PRKCE: variants seen among roughly 807,000 people sequenced by gnomAD.
The protein encoded by PRKCE is protein kinase C epsilon.
A neutral mutation model predicts 85.4 loss-of-function variants in PRKCE; 16 were observed. The ratio of observed to expected loss-of-function variants is 0.19; its 90% CI spans 0.13 to 0.28. PRKCE has a LOEUF of 0.28. Ranked by LOEUF, PRKCE falls within the 10% of genes least tolerant of loss-of-function variation. PRKCE has a pLI of 1.00. For synonymous variants in PRKCE, 388 were observed against 371.5 expected (o/e 1.04, Z -0.51); for missense variants, 573 against 975.2 (o/e 0.59, Z 5.49).
At chr2:45,695,833 G>C (rs1220173739) in intron 1 of PRKCE, among the ~76,000 whole-genome samples, 2 of 151,518 alleles carry the variant, frequency 1.3e-5, no homozygotes, top group Non-Finnish European at 1.5e-5. Context: ...AGGTCTCATG[G>C]GGAAGAGGGT....
chr2:45,991,163 C>T (rs920162701), intron 6 of PRKCE, among the ~76,000 whole-genome samples: 6 of 151,930 alleles, frequency 3.9e-5, no homozygotes, highest in African/African-American at 7.3e-5. Context: ...CCTGCCACCA[C>T]GCCCGGCAAA....
At position 46,187,168 on chromosome 2, in the gene PRKCE, A is replaced by T. The variant is rs1680505519; in HGVS notation, c.*2287A>T. On this transcript the variant is annotated 3_prime_UTR_variant, in exon 15 of 15. Transcript: ENST00000306156. Reference sequence around the variant, plus strand: ...CATAATAAACTTTGGACAACCAAGCAAGCTCTAACCGCAATGCCAGATGGC... The same window carrying T: ...CATAATAAACTTTGGACAACCAAGCTAGCTCTAACCGCAATGCCAGATGGC... 1 of 152,658 alleles carries T rather than the reference A, an allele frequency of 6.6e-6. No individual in the cohort carries two copies. The highest frequency in any genetic ancestry group is 2.4e-5 in the African/African-American group (1 of 41,462). 9.5% of individuals were successfully genotyped at this position (152,658 alleles called of 1,614,324 possible). A position where few individuals can be genotyped will look rare whatever the true frequency, so the allele number is the denominator to read the frequency against.
At chr2:46,079,175 CAAAA>C (rs11452307) in intron 10 of PRKCE, among the ~76,000 whole-genome samples, 4 of 126,434 alleles carry the variant, frequency 3.2e-5, no homozygotes, top group African/African-American at 5.9e-5. Flanking sequence ...GACTCTGTCT[CAAAA>C]AAAAAAAAAA....
intron 2 of PRKCE, among the ~76,000 whole-genome samples, chr2:45,909,077 A>C (rs1391963957): frequency 1.3e-5 from 2 of 152,232 alleles, no homozygotes; most frequent in East Asian, 3.8e-4. Context: ...TGGCAGAGAA[A>C]AACACCAAAC....
At position 46,178,328 on chromosome 2, in the gene PRKCE, C is replaced by A. The variant is rs551147180; in HGVS notation, c.2068-6407C>A. On this transcript the variant is annotated intron_variant, in intron 14 of 14. Transcript: ENST00000306156. ...CCATGGGCAGTCCAGTGCCAGATGA[C>A]CCCTCTATACATTTTGACCTGTTTA... Among the ~76,000 whole-genome samples the A allele has an allele frequency of 4.4e-4, 67 of 152,304 alleles. No homozygotes were observed. The Middle Eastern group carries it at 0.014, about 31-fold the overall frequency.
chr2:45,865,645 T>G (rs1693531072), intron 2 of PRKCE, among the ~76,000 whole-genome samples: 1 of 152,142 alleles, frequency 6.6e-6, no homozygotes, highest in East Asian at 1.9e-4. Context: ...CCATCAGCAT[T>G]CAGCCTGCTT....
intron 2 of PRKCE, among the ~76,000 whole-genome samples, chr2:45,951,755 A>G (rs1700637125): frequency 6.6e-6 from 1 of 152,224 alleles, no homozygotes; most frequent in Admixed American, 6.5e-5. Flanking sequence ...GCCAAGCTGG[A>G]TCAAAGCACG....
At chr2:45,969,712 A>G (rs1248564379) in intron 2 of PRKCE, among the ~76,000 whole-genome samples, 3 of 152,232 alleles carry the variant, frequency 2.0e-5, no homozygotes, top group Admixed American at 1.3e-4. Context: ...AAAGCTTTAA[A>G]AAGTCACTAA....
intron 1 of PRKCE, among the ~76,000 whole-genome samples, chr2:45,822,379 T>C (rs1162168241): frequency 6.6e-6 from 1 of 152,184 alleles, no homozygotes; most frequent in African/African-American, 2.4e-5. Context: ...GCAGCCCACA[T>C]TGTGTACCCA....
intron 3 of PRKCE, chr2:45,978,726 C>T (rs1702652474): frequency 2.2e-6 from 1 of 446,226 alleles, no homozygotes; most frequent in East Asian, 4.0e-5. Context: ...AGGAATGGCT[C>T]TCTGTATAGG....
chr2:45,780,475 C>G (rs113495944), intron 1 of PRKCE, among the ~76,000 whole-genome samples: 2,851 of 152,264 alleles, frequency 0.019, 47 homozygotes, highest in Non-Finnish European at 0.027. Flanking sequence ...GATTTGATTT[C>G]TTGGCATAAA....
At chr2:45,664,400 G>A (rs1342694902) in intron 1 of PRKCE, among the ~76,000 whole-genome samples, 1 of 152,140 alleles carries the variant, frequency 6.6e-6, no homozygotes, top group Admixed American at 6.5e-5. Context: ...GCGATCAATG[G>A]TTAACTACTT....
rs200570514 is a variant in PRKCE, at chr2:45,951,223, C to G, written c.413-25206C>G. Among the ~76,000 whole-genome samples the G allele has an allele frequency of 1.2e-4, 19 of 152,314 alleles. No homozygotes were observed. The East Asian group carries it at 3.7e-3, about 29-fold the overall frequency. Reference sequence around the variant, plus strand: ...AGTGGCTCTGGAGTTTATGGCTTCACTAGCTTCCCAGGTGATTCTGGTAAG... The same window carrying G: ...AGTGGCTCTGGAGTTTATGGCTTCAGTAGCTTCCCAGGTGATTCTGGTAAG... On this transcript the variant is annotated intron_variant, in intron 2 of 14. Coordinates refer to ENST00000306156, the MANE Select transcript of PRKCE (RefSeq NM_005400.3).
intron 10 of PRKCE, among the ~76,000 whole-genome samples, chr2:46,028,820 A>G (rs757921406): frequency 1.5e-4 from 23 of 151,082 alleles, no homozygotes; most frequent in Non-Finnish European, 2.4e-4. Flanking sequence ...CCTCCTCCCC[A>G]CTCCCACAGG....
intron 4 of PRKCE, 92 bp from the exon 5 acceptor site, chr2:45,980,204 C>G: frequency 8.2e-7 from 1 of 1,225,528 alleles, no homozygotes; most frequent in South Asian, 1.3e-5. Context: ...GGCCTGGCTC[C>G]CCTTGTCACT....
chr2:45,797,290 T>A (rs1466506099), intron 1 of PRKCE, among the ~76,000 whole-genome samples: 2 of 152,104 alleles, frequency 1.3e-5, no homozygotes, highest in Non-Finnish European at 2.9e-5. Context: ...CTACCAGAAA[T>A]AAGCTGCAGG....
At chr2:45,732,821 T>G (rs6743119) in intron 1 of PRKCE, among the ~76,000 whole-genome samples, 130 of 152,220 alleles carry the variant, frequency 8.5e-4, no homozygotes, top group African/African-American at 3.0e-3. Flanking sequence ...AAAACCGACA[T>G]GAGTGAACTG....
rs374290849 is a variant in PRKCE, at chr2:45,817,610, C to T, written c.349-25390C>T. ...TCAGGAGGCTGAGGCAGGAGAATGG[C>T]GTGAACCCGGAAAGCGGAGCTTGCA... On this transcript the variant is annotated intron_variant, in intron 1 of 14. Transcript: ENST00000306156. 3.3e-5 allele frequency among the ~76,000 whole-genome samples: 5 copies of T among 152,088 alleles called. 1 individual carries two copies. Among genetic ancestry groups the T allele is most frequent in the Admixed American group, 1.3e-4 (2 of 15,268 alleles).
At chr2:45,819,018 T>C (rs1178108553) in intron 1 of PRKCE, among the ~76,000 whole-genome samples, 1 of 152,156 alleles carries the variant, frequency 6.6e-6, no homozygotes, top group South Asian at 2.1e-4. Flanking sequence ...GCGTGGAGCC[T>C]CCTGAGACAG....
Sources: gnomAD v4.1 joint callset for allele counts (sites outside exome capture counted in the v4.1 genomes callset) on GRCh38, gnomAD v4.1.1 for gene constraint, MANE v1.5 for transcripts, NCBI Gene and HGNC (gene_info 2026-07-23, HGNC 2026-07-21) for gene names.